Variants in ZC3H12B observed in about 807,000 individuals in gnomAD.
ZC3H12B encodes the protein zinc finger CCCH-type containing 12B.
A neutral mutation model predicts 43.9 loss-of-function variants in ZC3H12B; 7 were observed. The ratio of observed to expected loss-of-function variants is 0.16; its 90% CI spans 0.09 to 0.30. The LOEUF is 0.30. Among genes scored for constraint, ZC3H12B ranks in the 10% least tolerant of loss-of-function variants. The pLI is 1.00. For synonymous variants in ZC3H12B, 222 were observed against 241.7 expected (o/e 0.92, Z 0.76); for missense variants, 475 against 670.2 (o/e 0.71, Z 3.22).
At chrX:65,164,039 C>CAG in the ZC3H12B span, among the ~76,000 whole-genome samples, 2 of 111,811 alleles carry the variant, frequency 1.8e-5, no homozygotes, top group East Asian at 5.6e-4. Flanking sequence ...TTGCTCACTG[C>CAG]CCTGAAAAAT....
the ZC3H12B span, among the ~76,000 whole-genome samples, chrX:65,264,516 G>T: frequency 9.0e-6 from 1 of 111,415 alleles, no homozygotes; most frequent in Non-Finnish European, 1.9e-5. Flanking sequence ...CATACCAAGA[G>T]GGAAGTGGCA....
chrX:65,381,951 G>T (rs1210280341), intron 2 of ZC3H12B, among the ~76,000 whole-genome samples: 2 of 111,799 alleles, frequency 1.8e-5, no homozygotes, highest in Non-Finnish European at 3.8e-5. Context: ...CTGAAACTGT[G>T]GCAATAATCA....
At chrX:65,143,033 G>A in the ZC3H12B span, among the ~76,000 whole-genome samples, 1 of 108,880 alleles carries the variant, frequency 9.2e-6, no homozygotes, top group African/African-American at 3.3e-5. Context: ...TTCTAATTCT[G>A]TGAAGAATAA....
At chrX:65,207,100 G>A in the ZC3H12B span, among the ~76,000 whole-genome samples, 8,169 of 109,756 alleles carry the variant, frequency 0.074, 833 homozygotes, top group African/African-American at 0.26. Context: ...TCAGTATGGG[G>A]ATTCCTTCAA....
At chrX:65,205,775 G>C in the ZC3H12B span, among the ~76,000 whole-genome samples, 1 of 111,177 alleles carries the variant, frequency 9.0e-6, no homozygotes, top group African/African-American at 3.3e-5. Flanking sequence ...AAACCCTAAA[G>C]ACTCATCCAA....
chrX:65,059,223 C>T, the ZC3H12B span, among the ~76,000 whole-genome samples: 3 of 68,644 alleles, frequency 4.4e-5, no homozygotes, highest in Non-Finnish European at 7.5e-5. Context: ...GGAACCACCC[C>T]CCCCCCGCCC....
the ZC3H12B span, among the ~76,000 whole-genome samples, chrX:65,319,382 T>C: frequency 9.0e-6 from 1 of 111,650 alleles, no homozygotes; most frequent in African/African-American, 3.3e-5. Context: ...CAGCAAGAGA[T>C]TGACTTCTTG....
At chrX:65,264,310 C>CA in the ZC3H12B span, among the ~76,000 whole-genome samples, 11 of 108,330 alleles carry the variant, frequency 1.0e-4, no homozygotes, top group African/African-American at 2.7e-4. Context: ...GCTATTGAAG[C>CA]AAAAAAAAAT....
At chrX:65,457,807 AG>A (rs1170417115) in intron 3 of ZC3H12B, among the ~76,000 whole-genome samples, 3 of 63,662 alleles carry the variant, frequency 4.7e-5, no homozygotes, top group African/African-American at 3.0e-4. Context: ...GTGTCCACTC[AG>A]GGTTAAATGG....
intron 3 of ZC3H12B, among the ~76,000 whole-genome samples, chrX:65,402,667 G>A (rs976487352): frequency 8.9e-6 from 1 of 112,072 alleles, no homozygotes; most frequent in Non-Finnish European, 1.9e-5. Context: ...AGGGGAAAGA[G>A]CAAGAGTCTC....
chrX:65,251,698 G>A, the ZC3H12B span, among the ~76,000 whole-genome samples: 1 of 111,440 alleles, frequency 9.0e-6, no homozygotes. Flanking sequence ...TCCCTTTGAA[G>A]CAATTGTGAA....
intron 3 of ZC3H12B, among the ~76,000 whole-genome samples, chrX:65,402,064 C>T (rs1347704340): frequency 8.9e-6 from 1 of 111,817 alleles, no homozygotes; most frequent in Non-Finnish European, 1.9e-5. Context: ...TGGATCTGCC[C>T]TGGGCCAGAA....
At chrX:65,122,462 G>A in the ZC3H12B span, among the ~76,000 whole-genome samples, 4 of 110,989 alleles carry the variant, frequency 3.6e-5, no homozygotes, top group African/African-American at 9.8e-5. Context: ...GAGGCTAGGA[G>A]GAAACTGCAT....
the ZC3H12B span, among the ~76,000 whole-genome samples, chrX:65,057,850 T>C: frequency 8.9e-6 from 1 of 112,053 alleles, no homozygotes; most frequent in South Asian, 3.7e-4. Context: ...CCATCACTGA[T>C]ACCCTTTCTT....
At chrX:65,121,039 G>A in the ZC3H12B span, among the ~76,000 whole-genome samples, 1 of 111,103 alleles carries the variant, frequency 9.0e-6, no homozygotes, top group Non-Finnish European at 1.9e-5. Flanking sequence ...ATGTACTGCA[G>A]GATTCTTTTT....
chrX:65,301,626 T>C, the ZC3H12B span, among the ~76,000 whole-genome samples: 1 of 111,316 alleles, frequency 9.0e-6, no homozygotes, highest in Non-Finnish European at 1.9e-5. Flanking sequence ...AAACATCATA[T>C]GTTCTCACTC....
intron 3 of ZC3H12B, among the ~76,000 whole-genome samples, chrX:65,410,647 T>A (rs1253478508): frequency 4.5e-5 from 5 of 109,992 alleles, no homozygotes; most frequent in African/African-American, 1.7e-4. Flanking sequence ...CAAAAAAAAA[T>A]AGCAAAAGAT....
the ZC3H12B span, among the ~76,000 whole-genome samples, chrX:65,082,043 A>G: frequency 4.5e-5 from 5 of 112,267 alleles, no homozygotes; most frequent in Non-Finnish European, 7.5e-5. Context: ...TGAAGAAATT[A>G]AGAAGGAAAT....
rs2067422832 is a variant in ZC3H12B at position 65,448,955 on chromosome X, A to AAAAGAAAGAAAGAAAAAGAAAGAAAG, written n.408-39676_408-39675insAAGAAAGAAAGAAAGAAAGAAAGAAA. Among the ~76,000 whole-genome samples, 21 of 58,972 alleles carry AAAAGAAAGAAAGAAAAAGAAAGAAAG rather than the reference A, an allele frequency of 3.6e-4. No individual in the cohort carries two copies. The East Asian group carries it at 6.8e-3, about 19-fold the overall frequency. The allele number at this position is 58,972 out of a possible 115,157, so 51.2% of individuals were successfully genotyped here. A position where few individuals can be genotyped will look rare whatever the true frequency, so the allele number is the denominator to read the frequency against. On this transcript the variant is annotated intron_variant and non_coding_transcript_variant, in intron 3 of 5. Coordinates refer to the ZC3H12B transcript ENST00000617377. ...GAGAAGGAAAAGAAAGAAAGAAAGAAAAAGAAAGAAAGAAAGAAAGAAAGA... is the reference window on the plus strand; with the variant it reads ...GAGAAGGAAAAGAAAGAAAGAAAGAAAAAGAAAGAAAGAAAAAGAAAGAAAGAAAGAAAGAAAGAAAGAAAGAAAGA...
Sources: allele counts gnomAD v4.1 joint callset (sites outside exome capture counted in the v4.1 genomes callset), GRCh38; gene constraint gnomAD v4.1.1; transcripts MANE v1.5; gene names NCBI Gene and HGNC (gene_info 2026-07-23, HGNC 2026-07-21).